The following CDK6 variants were observed in gnomAD, a reference collection of about 807,000 sequenced individuals.
CDK6 encodes the protein cyclin-dependent kinase 6.
A neutral mutation model predicts 37.1 loss-of-function variants in CDK6; 6 were observed. That is an observed-to-expected ratio of 0.16 (90% CI 0.09 to 0.32). The LOEUF (loss-of-function observed/expected upper bound fraction) is 0.32, where lower values mean the gene tolerates loss of function less well. CDK6 is among the 10% of genes least tolerant of loss of function. The pLI, the probability that CDK6 is intolerant of heterozygous loss-of-function variation, is 1.00. For synonymous variants in CDK6, 160 were observed against 161.3 expected, an observed-to-expected ratio of 0.99 and a Z score of 0.06; for missense variants, 224 against 418.9, an observed-to-expected ratio of 0.53 and a Z score of 4.06.
intron 5 of CDK6, among the ~76,000 whole-genome samples, chr7:92,661,633 G>A (rs1390276808): frequency 1.3e-5 from 2 of 152,092 alleles, no homozygotes; most frequent in African/African-American, 4.8e-5. Flanking sequence ...TCATCATAAG[G>A]GTTTTCATCT....
intron 4 of CDK6, among the ~76,000 whole-genome samples, chr7:92,675,614 T>G (rs1397936807): frequency 6.6e-6 from 1 of 152,232 alleles, no homozygotes; most frequent in South Asian, 2.1e-4. Context: ...ATCAGGGATA[T>G]TCAAGCTTCC....
chr7:92,762,873 G>A (rs529107351), intron 3 of CDK6, among the ~76,000 whole-genome samples: 1 of 152,086 alleles, frequency 6.6e-6, no homozygotes, highest in South Asian at 2.1e-4. Context: ...GCCCGGCCTA[G>A]AACATCTTAA....
chr7:92,750,202 A>G lies in CDK6; in HGVS notation c.370-24409T>C, dbSNP rs117474221. ...CTTTTGGAAAGTCCACCGAACTAGA[A>G]TAATAGGAACTTGGTTACAGTCCTA... On this transcript the variant is annotated intron_variant, in intron 3 of 7. Coordinates refer to ENST00000424848, the MANE Select transcript of CDK6 (RefSeq NM_001145306.2). 8.6e-3 allele frequency among the ~76,000 whole-genome samples: 1,304 copies of G among 152,314 alleles called. 5 individuals are homozygous for G. Among genetic ancestry groups the G allele is most frequent in the Middle Eastern group, 0.017 (5 of 294 alleles).
At chr7:92,682,469 A>G (rs1010084894) in intron 4 of CDK6, among the ~76,000 whole-genome samples, 4 of 152,120 alleles carry the variant, frequency 2.6e-5, no homozygotes, top group African/African-American at 9.7e-5. Flanking sequence ...TGCCCTGCCT[A>G]GTCCTCCGCA....
chr7:92,831,020 G>A (rs757216291), intron 2 of CDK6, among the ~76,000 whole-genome samples: 14 of 152,210 alleles, frequency 9.2e-5, no homozygotes, highest in Non-Finnish European at 1.9e-4. Flanking sequence ...TTTACAAAGT[G>A]CTTTCACATA....
intron 4 of CDK6, among the ~76,000 whole-genome samples, chr7:92,678,211 A>G (rs1419415676): frequency 6.6e-6 from 1 of 152,242 alleles, no homozygotes; most frequent in African/African-American, 2.4e-5. Context: ...GAGGAAAACA[A>G]TGAGTGCAAT....
chr7:92,751,676 G>GTA (rs1402892975), intron 3 of CDK6, among the ~76,000 whole-genome samples: 1 of 152,130 alleles, frequency 6.6e-6, no homozygotes, highest in East Asian at 1.9e-4. Flanking sequence ...AGTGATAAGA[G>GTA]TATATTCTCC....
intron 2 of CDK6, among the ~76,000 whole-genome samples, chr7:92,814,777 T>C (rs917404217): frequency 6.6e-6 from 1 of 151,746 alleles, no homozygotes; most frequent in African/African-American, 2.4e-5. Flanking sequence ...AGAAATAAGG[T>C]GATGGAAGAA....
chr7:92,772,830 G>A (rs113011167), intron 3 of CDK6, among the ~76,000 whole-genome samples: 1 of 152,056 alleles, frequency 6.6e-6, no homozygotes, highest in Non-Finnish European at 1.5e-5. Context: ...AGATGCCTTT[G>A]CAAATGATTC....
In CDK6 at chr7:92,775,036, C is replaced by T. The variant is rs374241325; in HGVS notation, c.234-205G>A. 2.6e-5 allele frequency among the ~76,000 whole-genome samples: 4 copies of T among 152,098 alleles called. No individual in the cohort carries two copies. In the South Asian group the frequency reaches 8.3e-4, roughly 32 times the overall value. On this transcript the variant is annotated intron_variant, in intron 2 of 7. Transcript: ENST00000424848. ...TCAGGAGAGGGGCACTCAGAGTGTG[C>T]GGTTAAGCATGAGAACATCTATAGT...
At chr7:92,627,276 G>A (rs1002991209) in intron 5 of CDK6, among the ~76,000 whole-genome samples, 12 of 152,202 alleles carry the variant, frequency 7.9e-5, no homozygotes, top group African/African-American at 2.9e-4. Context: ...GTAGACTGGT[G>A]GTTGCCTGGG....
intron 2 of CDK6, among the ~76,000 whole-genome samples, chr7:92,797,189 G>A (rs1475620373): frequency 6.6e-6 from 1 of 152,128 alleles, no homozygotes; most frequent in Non-Finnish European, 1.5e-5. Context: ...AGCCAAAATG[G>A]ATGCAACTGG....
chr7:92,751,571 C>T (rs1258324340), intron 3 of CDK6, among the ~76,000 whole-genome samples: 1 of 152,182 alleles, frequency 6.6e-6, no homozygotes, highest in African/African-American at 2.4e-5. Context: ...ACTGTTATCA[C>T]ATACGCAGTT....
chr7:92,738,308 T>A (rs531554408), intron 3 of CDK6, among the ~76,000 whole-genome samples: 1 of 152,256 alleles, frequency 6.6e-6, no homozygotes, highest in East Asian at 1.9e-4. Flanking sequence ...AACGATCTAA[T>A]GACTCTTACA....
chr7:92,808,528 G>A (rs1009618874), intron 2 of CDK6, among the ~76,000 whole-genome samples: 2 of 152,252 alleles, frequency 1.3e-5, no homozygotes, highest in East Asian at 3.9e-4. Flanking sequence ...TAATTGGACA[G>A]GTATTCTGCC....
intron 2 of CDK6, among the ~76,000 whole-genome samples, chr7:92,793,323 G>A (rs1033470589): frequency 3.3e-5 from 5 of 152,046 alleles, no homozygotes; most frequent in African/African-American, 1.2e-4. Context: ...AACAATGTTC[G>A]AAGACTCGCA....
chr7:92,816,261 T>C (rs1232193576), intron 2 of CDK6, among the ~76,000 whole-genome samples: 1 of 152,042 alleles, frequency 6.6e-6, no homozygotes, highest in Non-Finnish European at 1.5e-5. Flanking sequence ...ACAGAACTTA[T>C]GGAATAGCAG....
Position 92,811,798 on chromosome 7 carries a change from C to T in CDK6, c.233+21293G>A, listed in dbSNP as rs552734070. Reference sequence around the variant, plus strand: ...ACCAATCCTATTAACAAAACCACCCCCCTACAAAATATTCTGAAGGAGAGG... The same window carrying T: ...ACCAATCCTATTAACAAAACCACCCTCCTACAAAATATTCTGAAGGAGAGG... On this transcript the variant is annotated intron_variant, in intron 2 of 7. Coordinates refer to ENST00000424848, the MANE Select transcript of CDK6 (RefSeq NM_001145306.2). Among the ~76,000 whole-genome samples the T allele has an allele frequency of 2.2e-4, 34 of 152,176 alleles. No homozygotes were observed. The South Asian group carries it at 7.0e-3, about 32-fold the overall frequency.
intron 2 of CDK6, among the ~76,000 whole-genome samples, chr7:92,813,125 T>C (rs1800931586): frequency 6.6e-6 from 1 of 152,252 alleles, no homozygotes; most frequent in African/African-American, 2.4e-5. Flanking sequence ...AATTCATGAT[T>C]TGGGATTTTA....
Sources: gnomAD v4.1 joint callset for allele counts (sites outside exome capture counted in the v4.1 genomes callset) on GRCh38, gnomAD v4.1.1 for gene constraint, MANE v1.5 for transcripts, NCBI Gene and HGNC (gene_info 2026-07-23, HGNC 2026-07-21) for gene names.